MAGI2: variants seen among roughly 807,000 people sequenced by gnomAD.
MAGI2 encodes the protein membrane associated guanylate kinase, WW and PDZ domain containing 2.
MAGI2 carries 35 observed loss-of-function variants against 133.3 expected under a neutral mutation model. The ratio of observed to expected loss-of-function variants is 0.26; its 90% confidence interval spans 0.20 to 0.35. The LOEUF is 0.35. MAGI2 is among the 10% of genes least tolerant of loss of function. The pLI is 1.00. For missense variants in MAGI2, 1,636 were observed against 1,863.4 expected (o/e 0.88, Z 2.25); for synonymous variants, 729 against 710.6 (o/e 1.03, Z -0.41).
chr7:78,807,383 A>G (rs1402840876), intron 2 of MAGI2, among the ~76,000 whole-genome samples: 1 of 152,202 alleles, frequency 6.6e-6, no homozygotes, highest in Admixed American at 6.5e-5. Context: ...ATATTTGAAA[A>G]GAGTGACACT....
At chr7:78,182,795 G>T (rs1372401600) in intron 13 of MAGI2, among the ~76,000 whole-genome samples, 1 of 152,136 alleles carries the variant, frequency 6.6e-6, no homozygotes, top group South Asian at 2.1e-4. Context: ...TTTGGAAGTC[G>T]TTTCTGTGAC....
At chr7:78,704,611 A>G (rs1300140014) in intron 2 of MAGI2, among the ~76,000 whole-genome samples, 1 of 152,070 alleles carries the variant, frequency 6.6e-6, no homozygotes, top group African/African-American at 2.4e-5. Context: ...CATGTTCATC[A>G]CAGCACTATT....
At position 78,895,334 on chromosome 7, in the gene MAGI2, AT is replaced by A. The variant is rs1262600766; in HGVS notation, c.418+111755del. Among the ~76,000 whole-genome samples the A allele has an allele frequency of 6.6e-5, 10 of 152,074 alleles. No homozygotes were observed. In the East Asian group the frequency reaches 9.7e-4, roughly 15 times the overall value. ...CAGCCTCCAGAACTGTTAGAAACAA[AT>A]TTTTTTTCTTTATAAATTACCCAGT... On this transcript the variant is annotated intron_variant, in intron 2 of 21. Coordinates refer to ENST00000354212, the MANE Select transcript of MAGI2 (RefSeq NM_012301.4).
At chr7:79,017,861 A>T (rs1808895225) in intron 1 of MAGI2, among the ~76,000 whole-genome samples, 1 of 152,174 alleles carries the variant, frequency 6.6e-6, no homozygotes, top group African/African-American at 2.4e-5. Flanking sequence ...TCTCCAAAAT[A>T]ACTCAGTCAA....
intron 2 of MAGI2, among the ~76,000 whole-genome samples, chr7:78,870,387 C>T (rs144178008): frequency 2.8e-4 from 42 of 149,064 alleles, no homozygotes; most frequent in African/African-American, 1.0e-3. Context: ...AGTAGGCAAA[C>T]GACATGAATA....
At chr7:79,325,224 C>T (rs947669377) in intron 1 of MAGI2, among the ~76,000 whole-genome samples, 6 of 152,060 alleles carry the variant, frequency 3.9e-5, no homozygotes, top group Non-Finnish European at 8.8e-5. Flanking sequence ...ATGCCACTGT[C>T]GCCCAGCCCC....
intron 9 of MAGI2, among the ~76,000 whole-genome samples, chr7:78,318,344 C>T (rs1041999353): frequency 6.6e-6 from 1 of 151,944 alleles, no homozygotes; most frequent in Non-Finnish European, 1.5e-5. Context: ...TATCAATAGC[C>T]AAATCGATTA....
intron 13 of MAGI2, among the ~76,000 whole-genome samples, chr7:78,182,649 T>C (rs1170762919): frequency 1.3e-5 from 2 of 152,368 alleles, no homozygotes; most frequent in Non-Finnish European, 2.9e-5. Flanking sequence ...TTAAGGTCAC[T>C]ATGCATGCTA....
At chr7:79,215,472 C>T (rs894793173) in intron 1 of MAGI2, among the ~76,000 whole-genome samples, 6 of 152,056 alleles carry the variant, frequency 3.9e-5, no homozygotes, top group South Asian at 2.1e-4. Context: ...AAACCTTCTT[C>T]GGGGAGGCTT....
At chr7:79,114,820 A>G (rs1405382481) in intron 1 of MAGI2, among the ~76,000 whole-genome samples, 1 of 152,172 alleles carries the variant, frequency 6.6e-6, no homozygotes, top group African/African-American at 2.4e-5. Flanking sequence ...GTGGAGTCTG[A>G]AGCCAAGATC....
chr7:78,966,328 C>T (rs568476284), intron 2 of MAGI2, among the ~76,000 whole-genome samples: 35 of 152,050 alleles, frequency 2.3e-4, no homozygotes, highest in Admixed American at 2.0e-3. Context: ...TGAACAGCAA[C>T]CCTCCATTTC....
chr7:78,764,894 A>C (rs957387798), intron 2 of MAGI2, among the ~76,000 whole-genome samples: 1 of 133,860 alleles, frequency 7.5e-6, no homozygotes, highest in African/African-American at 2.6e-5. Flanking sequence ...ATGGGTTTTC[A>C]GGCCTCACAA....
At chr7:78,715,564 G>A (rs545631465) in intron 2 of MAGI2, among the ~76,000 whole-genome samples, 58 of 152,248 alleles carry the variant, frequency 3.8e-4, no homozygotes, top group African/African-American at 1.4e-3. Context: ...AACTTCCAGT[G>A]AAAGCTGTAA....
intron 2 of MAGI2, among the ~76,000 whole-genome samples, chr7:78,974,565 A>C (rs1042884088): frequency 1.3e-5 from 2 of 151,918 alleles, no homozygotes; most frequent in African/African-American, 4.8e-5. Context: ...TTTCTCCTTT[A>C]ATGTAGTTAT....
At chr7:79,258,248 A>G (rs1833837699) in intron 1 of MAGI2, among the ~76,000 whole-genome samples, 1 of 152,244 alleles carries the variant, frequency 6.6e-6, no homozygotes, top group Non-Finnish European at 1.5e-5. Flanking sequence ...TAATAGAGAC[A>G]CTTGCAAAGT....
chr7:79,014,209 C>T (rs1385046275), intron 1 of MAGI2, among the ~76,000 whole-genome samples: 1 of 152,082 alleles, frequency 6.6e-6, no homozygotes, highest in Non-Finnish European at 1.5e-5. Flanking sequence ...TATTTCCTTT[C>T]CCCTACTATT....
intron 21 of MAGI2, among the ~76,000 whole-genome samples, chr7:78,040,688 C>A (rs1810736506): frequency 6.6e-6 from 1 of 152,160 alleles, no homozygotes; most frequent in African/African-American, 2.4e-5. Context: ...TGAGTCAGGT[C>A]AGGTGGCAAT....
At chr7:78,193,586 T>C (rs1178222484) in intron 12 of MAGI2, among the ~76,000 whole-genome samples, 2 of 152,144 alleles carry the variant, frequency 1.3e-5, no homozygotes, top group South Asian at 2.1e-4. Context: ...TTAATGAACA[T>C]TAATACCCTG....
At chr7:78,503,890 C>A (rs34938608) in intron 4 of MAGI2, among the ~76,000 whole-genome samples, 71,393 of 151,162 alleles carry the variant, frequency 0.47, 17,344 homozygotes, top group South Asian at 0.56. Context: ...GAGGCCTCCT[C>A]AGCCATGTGG....
Sources: gnomAD v4.1 joint callset for allele counts (sites outside exome capture counted in the v4.1 genomes callset) on GRCh38, gnomAD v4.1.1 for gene constraint, MANE v1.5 for transcripts, NCBI Gene and HGNC (gene_info 2026-07-23, HGNC 2026-07-21) for gene names.